CHST12: variants seen among roughly 807,000 people sequenced by gnomAD.
The protein encoded by CHST12 is carbohydrate sulfotransferase 12, also known as carbohydrate (chondroitin 4) sulfotransferase 12.
CHST12 carries 23 observed loss-of-function variants against 27.9 expected under a neutral mutation model. The observed-to-expected ratio is 0.82, with a 90% confidence interval of 0.59 to 1.17. The LOEUF (loss-of-function observed/expected upper bound fraction) is 1.17. CHST12 is among the 50% of genes most tolerant of loss of function. CHST12 has a pLI of 0.00. For missense variants in CHST12, 682 were observed against 603.0 expected (o/e 1.13, Z -1.37); for synonymous variants, 322 against 273.0 (o/e 1.18, Z -1.77).
At chr7:2,415,773 T>C (rs927085642) in intron 1 of CHST12, among the ~76,000 whole-genome samples, 3 of 151,974 alleles carry the variant, frequency 2.0e-5, no homozygotes, top group African/African-American at 7.2e-5. Context: ...CCACCACGCC[T>C]GGCTAATTTT....
rs918521156 is a variant in CHST12 at position 2,421,253 on chromosome 7, A to G, written c.-77-11310A>G. 4.3e-4 allele frequency among the ~76,000 whole-genome samples: 21 copies of G among 48,806 alleles called. No individual in the cohort carries two copies. The Middle Eastern group carries it at 0.036, about 83-fold the overall frequency. 32.0% of individuals were successfully genotyped at this position (48,806 alleles called of 152,430 possible). ...TTTTTTTTTTTTTTTTTTTTTTTAC[A>G]TTTTTTTTGTAGAGAAGGGTCTTGG... On this transcript the variant is annotated intron_variant, in intron 1 of 1. Transcript: ENST00000618655.
At chr7:2,422,490 C>T (rs907175974) in intron 1 of CHST12, among the ~76,000 whole-genome samples, 3 of 152,120 alleles carry the variant, frequency 2.0e-5, no homozygotes, top group South Asian at 2.1e-4. Context: ...GGTGATCCAC[C>T]CGCCTCGGCC....
At chr7:2,422,800 C>T (rs555997937) in intron 1 of CHST12, among the ~76,000 whole-genome samples, 2 of 151,726 alleles carry the variant, frequency 1.3e-5, no homozygotes, top group African/African-American at 4.8e-5. Flanking sequence ...TCCCAAAGTG[C>T]TGGGATTACA....
At position 2,433,159 on chromosome 7, in the gene CHST12, G is replaced by C; in HGVS notation, c.520G>C (p.Ala174Pro). The C allele has an allele frequency of 6.2e-7, 1 of 1,613,020 alleles. No homozygotes were observed. Among genetic ancestry groups the C allele is most frequent in the Non-Finnish European group, 8.5e-7 (1 of 1,179,596 alleles). Residue 174 changes from alanine to proline, a missense_variant, in exon 2 of 2, where the codon GCC (alanine) becomes CCC (proline). Ala to Pro is a conservative substitution (Grantham distance 27). Coordinates refer to ENST00000618655, the MANE Select transcript of CHST12 (RefSeq NM_018641.5). This position sits in a 1 kb window ranked among gnomAD's most constrained non-coding sequence, Gnocchi z 6.1. ...CATCTACTGCTACGTGCCCAAGGTG[G>C]CCTGCACCAACTGGAAGCGCGTGAT... The part of the protein sequence containing the change: ...GAIYCYVPKV[A>P]CTNWKRVMIV...
chr7:2,407,016 CA>C (rs1024697763), intron 1 of CHST12, among the ~76,000 whole-genome samples: 14 of 149,794 alleles, frequency 9.3e-5, no homozygotes, highest in Admixed American at 9.3e-4. Context: ...TTCGAATATC[CA>C]AAAAGAGAAC....
intron 1 of CHST12, among the ~76,000 whole-genome samples, chr7:2,422,359 C>CTCA (rs943073264): frequency 1.3e-5 from 2 of 151,998 alleles, no homozygotes; most frequent in Non-Finnish European, 2.9e-5. Flanking sequence ...ATTCTCCTGC[C>CTCA]TCAGCCTCCC....
At chr7:2,419,033 A>T (rs1031132856) in intron 1 of CHST12, among the ~76,000 whole-genome samples, 7 of 152,234 alleles carry the variant, frequency 4.6e-5, no homozygotes, top group African/African-American at 1.7e-4. Context: ...CCTTGGCTCA[A>T]GCAATCCCCC....
At chr7:2,422,442 C>T (rs544743231) in intron 1 of CHST12, among the ~76,000 whole-genome samples, 3 of 151,826 alleles carry the variant, frequency 2.0e-5, no homozygotes, top group Non-Finnish European at 4.4e-5. Flanking sequence ...CAGGGTTTCT[C>T]CGTTATTGGT....
At chr7:2,418,163 C>T (rs1781860195) in intron 1 of CHST12, among the ~76,000 whole-genome samples, 1 of 152,250 alleles carries the variant, frequency 6.6e-6, no homozygotes, top group South Asian at 2.1e-4. Context: ...CATGGACTTG[C>T]TCCCTGGGGC....
In CHST12 at chr7:2,445,515, A is replaced by T. The variant is rs373353630; in HGVS notation, c.*11631A>T. 6.6e-6 allele frequency: 1 copy of T among 152,128 alleles called. No individual in the cohort carries two copies. The highest frequency in any genetic ancestry group is 2.4e-5 in the African/African-American group (1 of 41,488). The allele number at this position is 152,128 out of a possible 1,614,324, so 9.4% of individuals were successfully genotyped here. ...GTGTCGCCCAGGCTCACTGCAACCTATGCCTCCCGGGTTCAAGTGGTTCTC... is the reference window on the plus strand; with the variant it reads ...GTGTCGCCCAGGCTCACTGCAACCTTTGCCTCCCGGGTTCAAGTGGTTCTC... On this transcript the variant is annotated 3_prime_UTR_variant, in exon 2 of 2. Coordinates refer to ENST00000618655, the MANE Select transcript of CHST12 (RefSeq NM_018641.5).
intron 1 of CHST12, among the ~76,000 whole-genome samples, chr7:2,419,101 CA>C (rs1781892400): frequency 6.6e-6 from 1 of 152,198 alleles, no homozygotes; most frequent in Admixed American, 6.5e-5. Context: ...TCTGGCTGTC[CA>C]AACCGCCTTT....
Position 2,448,349 on chromosome 7 carries a change from C to G in CHST12, c.*14465C>G, listed in dbSNP as rs1340199946. ...CTGGATAACCAACTTCATTCTTATACCCGTCCGAATCTGCCCCCTGTTAAT... is the reference window on the plus strand; with the variant it reads ...CTGGATAACCAACTTCATTCTTATAGCCGTCCGAATCTGCCCCCTGTTAAT... On this transcript the variant is annotated 3_prime_UTR_variant, in exon 2 of 2. Coordinates refer to ENST00000618655, the MANE Select transcript of CHST12 (RefSeq NM_018641.5). 1 of 152,340 alleles carries G rather than the reference C, an allele frequency of 6.6e-6. No homozygotes were observed. Among genetic ancestry groups the G allele is most frequent in the Non-Finnish European group, 1.5e-5 (1 of 68,176 alleles). The allele number at this position is 152,340 out of a possible 1,614,324, so 9.4% of individuals were successfully genotyped here.
At chr7:2,420,649 A>G (rs1781946788) in intron 1 of CHST12, among the ~76,000 whole-genome samples, 1 of 152,138 alleles carries the variant, frequency 6.6e-6, no homozygotes, top group African/African-American at 2.4e-5. Context: ...TCTACAAAAA[A>G]TTAGCTGGGC....
intron 1 of CHST12, among the ~76,000 whole-genome samples, chr7:2,412,186 A>G (rs1375125608): frequency 6.6e-6 from 1 of 152,220 alleles, no homozygotes; most frequent in Admixed American, 6.5e-5. Flanking sequence ...TTATTTGGAT[A>G]TACTGTCAGA....
At chr7:2,403,513 C>T (rs1781436697), upstream of CHST12, 1 of 151,646 alleles carries the variant, frequency 6.6e-6, no homozygotes. Flanking sequence ...CCTCCGTGGC[C>T]CCTCCGGCGG....
chr7:2,439,093 G>A lies in CHST12; in HGVS notation c.*5209G>A, dbSNP rs945612842. On this transcript the variant is annotated 3_prime_UTR_variant, in exon 2 of 2. Transcript: ENST00000618655. ...CTCAGCTGTGCGCCTCCAGGAATTT[G>A]CACTCGCTTCAGCTGATTTGGGTTG... is the stretch of plus-strand genomic sequence containing the variant. 1.4e-4 allele frequency: 22 copies of A among 152,344 alleles called. No homozygotes were observed. Among genetic ancestry groups the A allele is most frequent in the African/African-American group, 5.3e-4 (22 of 41,562 alleles). 9.4% of individuals were successfully genotyped at this position (152,344 alleles called of 1,614,324 possible). A position where few individuals can be genotyped will look rare whatever the true frequency, so the allele number is the denominator to read the frequency against.
Position 2,445,557 on chromosome 7 carries a change from A to C in CHST12, c.*11673A>C, listed in dbSNP as rs1782732389. On this transcript the variant is annotated 3_prime_UTR_variant, in exon 2 of 2. Transcript: ENST00000618655. ...GTGGTTCTCATGCTTCAGCCTCCTGAGTAGCTGGGATTACAGGTGTGTGCC... is the reference window on the plus strand; with the variant it reads ...GTGGTTCTCATGCTTCAGCCTCCTGCGTAGCTGGGATTACAGGTGTGTGCC... 6.6e-6 allele frequency: 1 copy of C among 152,154 alleles called. No individual in the cohort carries two copies. The highest frequency in any genetic ancestry group is 2.1e-4 in the South Asian group (1 of 4,830). The allele number at this position is 152,154 out of a possible 1,614,324, so 9.4% of individuals were successfully genotyped here.
Position 2,438,134 on chromosome 7 carries a change from A to G in CHST12, c.*4250A>G, listed in dbSNP as rs559070768. On this transcript the variant is annotated 3_prime_UTR_variant, in exon 2 of 2. Transcript: ENST00000618655. ...GTGCAGACCAGGTCTCCCCAGAGGGACCCTCCTGAGCTGAGCTGCCCGGGG... is the reference window on the plus strand; with the variant it reads ...GTGCAGACCAGGTCTCCCCAGAGGGGCCCTCCTGAGCTGAGCTGCCCGGGG... 3 of 152,336 alleles carry G rather than the reference A, an allele frequency of 2.0e-5. No individual in the cohort carries two copies. Among genetic ancestry groups the G allele is most frequent in the Non-Finnish European group, 2.9e-5 (2 of 68,092 alleles). The allele number at this position is 152,336 out of a possible 1,614,324, so 9.4% of individuals were successfully genotyped here.
chr7:2,424,927 C>T (rs530451656), intron 1 of CHST12, among the ~76,000 whole-genome samples: 32 of 152,120 alleles, frequency 2.1e-4, no homozygotes, highest in Non-Finnish European at 1.9e-4. Context: ...CGCTCCAGGC[C>T]GGGCGTGGTG....
Sources: allele counts gnomAD v4.1 joint callset (sites outside exome capture counted in the v4.1 genomes callset), GRCh38; gene constraint gnomAD v4.1.1; non-coding constraint Gnocchi (gnomAD v3.1); transcripts MANE v1.5; gene names NCBI Gene and HGNC (gene_info 2026-07-23, HGNC 2026-07-21).